NUFIP2: variants seen among roughly 807,000 people sequenced by gnomAD.
NUFIP2 encodes the protein FMR1-interacting protein NUFIP2.
NUFIP2 carries 6 observed loss-of-function variants against 56.9 expected under a neutral mutation model. That is an observed-to-expected ratio of 0.11 (90% CI 0.06 to 0.21). The LOEUF (loss-of-function observed/expected upper bound fraction) is 0.21, where lower values mean the gene tolerates loss of function less well. NUFIP2 is among the 10% of genes least tolerant of loss of function. The pLI, the probability that NUFIP2 is intolerant of heterozygous loss-of-function variation, is 1.00. For missense variants in NUFIP2, 828 were observed against 826.8 expected, an observed-to-expected ratio of 1.00 and a Z score of -0.02; for synonymous variants, 321 against 298.2, an observed-to-expected ratio of 1.08 and a Z score of -0.79.
rs535331714 is a variant in NUFIP2, at chr17:29,259,131, T to C, written c.*5408A>G. The C allele has an allele frequency of 6.6e-6, 1 of 152,296 alleles. No homozygotes were observed. The highest frequency in any genetic ancestry group is 2.1e-4 in the South Asian group (1 of 4,824). The allele number at this position is 152,296 out of a possible 1,614,324, so 9.4% of individuals were successfully genotyped here. A position where few individuals can be genotyped will look rare whatever the true frequency, so the allele number is the denominator to read the frequency against. ...AAAGCAGTATCCATTTTCAGAGCCT[T>C]TGATTAGCACCTGAGGAAAAAAGGG... On this transcript the variant is annotated 3_prime_UTR_variant, in exon 4 of 4. Coordinates refer to ENST00000225388, the MANE Select transcript of NUFIP2 (RefSeq NM_020772.3).
In NUFIP2 at chr17:29,292,881, C is replaced by CGGG. The variant is rs1375853349; in HGVS notation, c.277+899_277+901dup. 8.0e-3 allele frequency among the ~76,000 whole-genome samples: 654 copies of CGGG among 81,472 alleles called. 39 individuals are homozygous for CGGG. Among genetic ancestry groups the CGGG allele is most frequent in the African/African-American group, 0.013 (276 of 21,254 alleles). The allele number at this position is 81,472 out of a possible 152,430, so 53.4% of individuals were successfully genotyped here. A position where few individuals can be genotyped will look rare whatever the true frequency, so the allele number is the denominator to read the frequency against. On this transcript the variant is annotated intron_variant, in intron 1 of 3. Coordinates refer to ENST00000225388, the MANE Select transcript of NUFIP2 (RefSeq NM_020772.3). ...CGGGTTACACAACCCCGGCCGGCGA[C>CGGG]GGGGGGGGGGGCGGCCGCGGTGCGG... is the stretch of plus-strand genomic sequence containing the variant.
chr17:29,293,446 A>G (rs910593944), intron 1 of NUFIP2, among the ~76,000 whole-genome samples: 1 of 152,014 alleles, frequency 6.6e-6, no homozygotes, highest in African/African-American at 2.4e-5. Context: ...AGGGCCCCCA[A>G]ATTGAGGTAA....
In NUFIP2 at chr17:29,286,594, A is replaced by G; in HGVS notation, c.1400T>C (p.Ile467Thr). 1 of 1,614,202 alleles carries G rather than the reference A, an allele frequency of 6.2e-7. No homozygotes were observed. The highest frequency in any genetic ancestry group is 8.5e-7 in the Non-Finnish European group (1 of 1,180,040). The part of the protein sequence containing the change: ...MSLTSAAVEQ[I>T]KTSLFIYPSN... ...AGGATAGATAAAAAGGCTAGTCTTA[A>G]TTTGTTCAACAGCTGCTGAAGTTAG... The change falls in exon 2 of 4, where the codon ATT becomes ACT. Residue 467 changes from isoleucine to threonine, a missense_variant. Ile to Thr is a moderately conservative substitution (Grantham distance 89, BLOSUM62 -1). Around this residue, in one of 3 missense-constraint regions of NUFIP2, gnomAD observed 404 missense variants for 380.3 expected, o/e 1.06. Transcript: ENST00000225388.
chr17:29,266,635 C>A (rs556138939), intron 3 of NUFIP2, among the ~76,000 whole-genome samples: 1 of 152,000 alleles, frequency 6.6e-6, no homozygotes, highest in South Asian at 2.1e-4. Context: ...AATTTCAATT[C>A]TTAGGCTGTT....
intron 1 of NUFIP2, among the ~76,000 whole-genome samples, chr17:29,293,251 G>C (rs867219671): frequency 3.0e-4 from 45 of 151,246 alleles, no homozygotes; most frequent in African/African-American, 9.9e-4. Flanking sequence ...CCACCGAGAC[G>C]GGGAGCCCCA....
intron 2 of NUFIP2, among the ~76,000 whole-genome samples, chr17:29,278,024 G>C (rs1431217254): frequency 6.6e-6 from 1 of 151,882 alleles, no homozygotes; most frequent in African/African-American, 2.4e-5. Context: ...AAGGGAAAGG[G>C]AAAGAAAAGA....
In NUFIP2 at chr17:29,263,339, C is replaced by T. The variant is rs535478804; in HGVS notation, c.*1200G>A. ...AATTTCACATTATTTTCCTTAAAAA[C>T]CCATCTTGCTCTAGTAATAAAATAT... On this transcript the variant is annotated 3_prime_UTR_variant, in exon 4 of 4. Coordinates refer to ENST00000225388, the MANE Select transcript of NUFIP2 (RefSeq NM_020772.3). 6.5e-6 allele frequency: 1 copy of T among 152,672 alleles called. No individual in the cohort carries two copies. The highest frequency in any genetic ancestry group is 1.9e-4 in the East Asian group (1 of 5,184). The allele number at this position is 152,672 out of a possible 1,614,324, so 9.5% of individuals were successfully genotyped here.
chr17:29,292,886 G>GGA (rs974097941), intron 1 of NUFIP2, among the ~76,000 whole-genome samples: 6 of 146,204 alleles, frequency 4.1e-5, no homozygotes, highest in Non-Finnish European at 3.1e-5. Flanking sequence ...GGCGACGGGG[G>GGA]GGGGGGCGGC....
At chr17:29,278,101 T>G (rs886446752) in intron 2 of NUFIP2, among the ~76,000 whole-genome samples, 1 of 152,166 alleles carries the variant, frequency 6.6e-6, no homozygotes, top group African/African-American at 2.4e-5. Context: ...ACCTTTTCAG[T>G]AGACCCCTTA....
Position 29,263,164 on chromosome 17 carries a change from C to T in NUFIP2, c.*1375G>A, listed in dbSNP as rs1325104465. On this transcript the variant is annotated 3_prime_UTR_variant, in exon 4 of 4. Transcript: ENST00000225388. ...AGACAACTTGTTATTATGTTACTAA[C>T]ATCACCCAATCTCAATTGGACCCTT... is the stretch of plus-strand genomic sequence containing the variant. 6.6e-6 allele frequency: 1 copy of T among 152,552 alleles called. No individual in the cohort carries two copies. 9.4% of individuals were successfully genotyped at this position (152,552 alleles called of 1,614,324 possible). A position where few individuals can be genotyped will look rare whatever the true frequency, so the allele number is the denominator to read the frequency against.
chr17:29,278,082 G>C (rs1434856241), intron 2 of NUFIP2, among the ~76,000 whole-genome samples: 2 of 152,090 alleles, frequency 1.3e-5, no homozygotes, highest in Non-Finnish European at 2.9e-5. Context: ...AAGGTAGTTA[G>C]AAGTCACCAC....
intron 2 of NUFIP2, among the ~76,000 whole-genome samples, chr17:29,274,058 C>G (rs2069092631): frequency 6.6e-6 from 1 of 152,154 alleles, no homozygotes; most frequent in African/African-American, 2.4e-5. Context: ...TAGTAAGCAA[C>G]TTCACTGGGA....
chr17:29,281,857 C>T (rs1353258190), intron 2 of NUFIP2, among the ~76,000 whole-genome samples: 1 of 151,570 alleles, frequency 6.6e-6, no homozygotes, highest in African/African-American at 2.4e-5. Flanking sequence ...TTCCACCTCC[C>T]GGGTTCACGC....
Position 29,257,436 on chromosome 17 carries a change from G to GT in NUFIP2, c.*7102dup, listed in dbSNP as rs1292855890. On this transcript the variant is annotated 3_prime_UTR_variant, in exon 4 of 4. Coordinates refer to ENST00000225388, the MANE Select transcript of NUFIP2 (RefSeq NM_020772.3). ...AGTGTGCAAAATGCATTTCTAAAAC[G>GT]TAATGCAAGCAAAGCTTTCACATTT... 3.3e-5 allele frequency: 5 copies of GT among 151,990 alleles called. No individual in the cohort carries two copies. The highest frequency in any genetic ancestry group is 3.3e-4 in the Admixed American group (5 of 15,252). 9.4% of individuals were successfully genotyped at this position (151,990 alleles called of 1,614,324 possible). A position where few individuals can be genotyped will look rare whatever the true frequency, so the allele number is the denominator to read the frequency against.
Position 29,259,617 on chromosome 17 carries a change from T to G in NUFIP2, c.*4922A>C, listed in dbSNP as rs1176416622. On this transcript the variant is annotated 3_prime_UTR_variant, in exon 4 of 4. Coordinates refer to ENST00000225388, the MANE Select transcript of NUFIP2 (RefSeq NM_020772.3). ...GGGGGGGGGGGATACTGCAGTATTATAAAATGGCTTTAGAACTCTGCACAT... is the reference window on the plus strand; with the variant it reads ...GGGGGGGGGGGATACTGCAGTATTAGAAAATGGCTTTAGAACTCTGCACAT... The G allele has an allele frequency of 7.2e-6, 1 of 137,998 alleles. No individual in the cohort carries two copies. Among genetic ancestry groups the G allele is most frequent in the Non-Finnish European group, 1.5e-5 (1 of 64,680 alleles). The allele number at this position is 137,998 out of a possible 1,614,324, so 8.5% of individuals were successfully genotyped here.
intron 2 of NUFIP2, among the ~76,000 whole-genome samples, chr17:29,284,561 C>T (rs936422010): frequency 6.6e-6 from 1 of 151,572 alleles, no homozygotes; most frequent in Non-Finnish European, 1.5e-5. Flanking sequence ...TAAAAATTAG[C>T]CAGGCGTGGT....
intron 2 of NUFIP2, among the ~76,000 whole-genome samples, chr17:29,274,720 G>T (rs1346558570): frequency 2.6e-5 from 4 of 152,108 alleles, no homozygotes; most frequent in Non-Finnish European, 5.9e-5. Flanking sequence ...AGCCACTGAA[G>T]AAATCTAAGG....
In NUFIP2 at chr17:29,256,651, G is replaced by A. The variant is rs536901486; in HGVS notation, c.*7888C>T. 1.7e-4 allele frequency: 26 copies of A among 151,286 alleles called. No individual in the cohort carries two copies. In the South Asian group the frequency reaches 1.9e-3, roughly 11 times the overall value. The allele number at this position is 151,286 out of a possible 1,614,324, so 9.4% of individuals were successfully genotyped here. A position where few individuals can be genotyped will look rare whatever the true frequency, so the allele number is the denominator to read the frequency against. On this transcript the variant is annotated 3_prime_UTR_variant, in exon 4 of 4. Coordinates refer to ENST00000225388, the MANE Select transcript of NUFIP2 (RefSeq NM_020772.3). ...AAACATATTAGCCTCTCCTACAAAG[G>A]TCCTGAACCAATTAAAAAAAAAAAA... is the stretch of plus-strand genomic sequence containing the variant.
chr17:29,257,036 G>C lies in NUFIP2; in HGVS notation c.*7503C>G, dbSNP rs1187845880. 1 of 152,136 alleles carries C rather than the reference G, an allele frequency of 6.6e-6. No homozygotes were observed. The highest frequency in any genetic ancestry group is 1.5e-5 in the Non-Finnish European group (1 of 68,004). The allele number at this position is 152,136 out of a possible 1,614,324, so 9.4% of individuals were successfully genotyped here. A position where few individuals can be genotyped will look rare whatever the true frequency, so the allele number is the denominator to read the frequency against. On this transcript the variant is annotated 3_prime_UTR_variant, in exon 4 of 4. Transcript: ENST00000225388. ...ATGACAAAAAAGGGTCTTTCAGTTT[G>C]AATTACTTTCCATTTCTATTTGATC...
Sources: gnomAD v4.1 joint callset for allele counts (sites outside exome capture counted in the v4.1 genomes callset) on GRCh38, gnomAD v4.1.1 for gene constraint, gnomAD v4.1.1 regional missense constraint, MANE v1.5 for transcripts, NCBI Gene and HGNC (gene_info 2026-07-23, HGNC 2026-07-21) for gene names.